The following USP53 variants were observed in gnomAD, a reference collection of about 807,000 sequenced individuals.
The protein encoded by USP53 is ubiquitin specific peptidase 53.
Under a neutral mutation model 94.9 loss-of-function variants are expected in USP53, and 71 were observed. The observed-to-expected ratio is 0.75, with a 90% CI of 0.62 to 0.91. USP53 has a LOEUF of 0.91. Among genes scored for constraint, USP53 ranks in the 40% least tolerant of loss-of-function variants. The probability of loss-of-function intolerance (pLI) is 0.00; values close to 1 mark genes in which losing one functional copy is unlikely to be tolerated. For missense variants in USP53, 1,173 were observed against 1,281.0 expected (o/e 0.92, Z 1.29); for synonymous variants, 375 against 422.7 (o/e 0.89, Z 1.39).
intron 12 of USP53, among the ~76,000 whole-genome samples, chr4:119,263,650 C>T (rs186390185): frequency 4.6e-4 from 70 of 152,202 alleles, no homozygotes; most frequent in Admixed American, 2.2e-3. Flanking sequence ...TGTATCCCCA[C>T]CATAAAGAGT....
intron 7 of USP53, among the ~76,000 whole-genome samples, chr4:119,251,810 C>T (rs780958538): frequency 2.0e-5 from 3 of 152,072 alleles, no homozygotes; most frequent in Non-Finnish European, 2.9e-5. Flanking sequence ...TGTCTTGTGC[C>T]GGTTTTCAAA....
intron 7 of USP53, 59 bp downstream of exon 7, chr4:119,248,941 T>C: frequency 1.3e-6 from 2 of 1,588,106 alleles, no homozygotes; most frequent in Non-Finnish European, 1.7e-6. Context: ...CCTTAGATGG[T>C]ACAAGTGTTG....
At chr4:119,235,987 C>T (rs759006629) in intron 4 of USP53, among the ~76,000 whole-genome samples, 1 of 152,150 alleles carries the variant, frequency 6.6e-6, no homozygotes, top group Non-Finnish European at 1.5e-5. Context: ...GTCTGCCTTT[C>T]GTCATTATAA....
chr4:119,213,670 G>GTGTGTGTGTGTGTGTGTGTA (rs1553962030), intron 1 of USP53, among the ~76,000 whole-genome samples: 15 of 120,550 alleles, frequency 1.2e-4, no homozygotes, highest in South Asian at 8.1e-4. Flanking sequence ...ATGTGTGTGT[G>GTGTGTGTGTGTGTGTGTGTA]TGTATGTATG....
intron 3 of USP53, among the ~76,000 whole-genome samples, chr4:119,222,878 A>C (rs199848605): frequency 3.1e-5 from 4 of 128,894 alleles, no homozygotes; most frequent in African/African-American, 1.2e-4. Flanking sequence ...AAAAAATAAT[A>C]AATATATTCC....
rs753584761 is a variant in USP53 at position 119,239,951 on chromosome 4, A to G, written c.144+48A>G. 17 of 1,345,520 alleles carry G rather than the reference A, an allele frequency of 1.3e-5. No individual in the cohort carries two copies. The East Asian group carries it at 4.7e-4, about 37-fold the overall frequency. The allele number at this position is 1,345,520 out of a possible 1,614,324, so 83.3% of individuals were successfully genotyped here. On this transcript the variant is annotated intron_variant, in intron 5 of 18. Coordinates refer to ENST00000692078, the MANE Select transcript of USP53 (RefSeq NM_001371395.1). ...CATTAAAAAAAATACTTTTCAGAAAATCCTTTGTTTAATGCTTCTTTAGCT... is the reference window on the plus strand; with the variant it reads ...CATTAAAAAAAATACTTTTCAGAAAGTCCTTTGTTTAATGCTTCTTTAGCT...
At chr4:119,224,624 A>T (rs150599198) in intron 3 of USP53, among the ~76,000 whole-genome samples, 2 of 152,326 alleles carry the variant, frequency 1.3e-5, no homozygotes, top group East Asian at 1.9e-4. Flanking sequence ...GCTAGAAGGG[A>T]AATAATTTCA....
intron 12 of USP53, among the ~76,000 whole-genome samples, chr4:119,265,032 A>C (rs1196562509): frequency 2.0e-5 from 3 of 152,250 alleles, no homozygotes; most frequent in Admixed American, 2.0e-4. Flanking sequence ...TATGCTAAGA[A>C]GTGAGATATA....
chr4:119,271,245 A>C lies in USP53; in HGVS notation c.1436-51A>C. 2.6e-6 allele frequency: 4 copies of C among 1,512,636 alleles called. 1 individual carries two copies. In the South Asian group the frequency reaches 4.2e-5, roughly 16 times the overall value. The allele number at this position is 1,512,636 out of a possible 1,614,324, so 93.7% of individuals were successfully genotyped here. ...TAACAGGTATTTGCCTTGTGACTAC[A>C]AGGTGGCTCTGAGGAGTAATTCATG... On this transcript the variant is annotated intron_variant, in intron 15 of 18. Transcript: ENST00000692078.
rs1426233291 is a variant in USP53, at chr4:119,261,864, G to A, written c.972G>A (p.Glu324=). 2.1e-6 allele frequency: 3 copies of A among 1,450,166 alleles called. No homozygotes were observed. Among genetic ancestry groups the A allele is most frequent in the African/African-American group, 1.4e-5 (1 of 71,108 alleles). 89.8% of individuals were successfully genotyped at this position (1,450,166 alleles called of 1,614,324 possible). Residue 324 remains glutamate, a splice_region_variant and synonymous_variant, in exon 12 of 19, where the codon GAG becomes GAA. Coordinates refer to ENST00000692078, the MANE Select transcript of USP53 (RefSeq NM_001371395.1). ...WVFFDDANVK[E]IGTRWKDVVS... is the part of the protein sequence containing the mutation. Reference sequence around the variant, plus strand: ...TTTTTGATGATGCAAATGTGAAAGAGGTAAGTGACACTTTCTTTAATTGAA... The same window carrying A: ...TTTTTGATGATGCAAATGTGAAAGAAGTAAGTGACACTTTCTTTAATTGAA...
At chr4:119,222,139 C>T (rs2149268937) in intron 3 of USP53, among the ~76,000 whole-genome samples, 1 of 152,000 alleles carries the variant, frequency 6.6e-6, no homozygotes, top group South Asian at 2.1e-4. Context: ...CTTCCTTATT[C>T]TTGCAATAGA....
At chr4:119,279,152 G>A (rs1232408072) in intron 17 of USP53, among the ~76,000 whole-genome samples, 14 of 148,292 alleles carry the variant, frequency 9.4e-5, no homozygotes, top group Middle Eastern at 3.5e-3. Flanking sequence ...GAGGAACTGC[G>A]TTCCTTTGAA....
intron 3 of USP53, among the ~76,000 whole-genome samples, chr4:119,234,307 C>T (rs1244978217): frequency 6.6e-6 from 1 of 152,172 alleles, no homozygotes; most frequent in Admixed American, 6.5e-5. Context: ...TTCCTTAACA[C>T]TCTAGAAGCC....
At chr4:119,230,816 A>T (rs1745961493) in intron 3 of USP53, among the ~76,000 whole-genome samples, 1 of 152,086 alleles carries the variant, frequency 6.6e-6, no homozygotes. Flanking sequence ...GGAGCAAGAG[A>T]CAGAGAGTGA....
rs114715918 is a variant in USP53 at position 119,288,230 on chromosome 4, C to T, written c.2252-2935C>T. Among the ~76,000 whole-genome samples, 1,123 of 152,254 alleles carry T rather than the reference C, an allele frequency of 7.4e-3. 12 individuals are homozygous for T. The highest frequency in any genetic ancestry group is 0.026 in the African/African-American group (1,060 of 41,548). On this transcript the variant is annotated intron_variant, in intron 17 of 18. Transcript: ENST00000692078. ...AAGAAATAAACCCAGTACATGCTAACACAAATAACATTTTTAAATGAAAAT... is the reference window on the plus strand; with the variant it reads ...AAGAAATAAACCCAGTACATGCTAATACAAATAACATTTTTAAATGAAAAT...
At chr4:119,228,755 C>T (rs931305509) in intron 3 of USP53, among the ~76,000 whole-genome samples, 4 of 152,128 alleles carry the variant, frequency 2.6e-5, no homozygotes, top group African/African-American at 9.7e-5. Context: ...ACAACTTACA[C>T]CTCCAAAGCT....
chr4:119,275,174 T>C (rs1425288745), intron 17 of USP53, among the ~76,000 whole-genome samples: 2 of 57,814 alleles, frequency 3.5e-5, no homozygotes, highest in Non-Finnish European at 7.3e-5. Flanking sequence ...TCCTTGCCCA[T>C]GCCTATGTCC....
chr4:119,264,905 A>G (rs1750923110), intron 12 of USP53, among the ~76,000 whole-genome samples: 1 of 152,230 alleles, frequency 6.6e-6, no homozygotes, highest in Non-Finnish European at 1.5e-5. Flanking sequence ...AATGTCAGCA[A>G]TTGGTGAATG....
intron 3 of USP53, among the ~76,000 whole-genome samples, chr4:119,227,410 G>C (rs1418819849): frequency 6.6e-6 from 1 of 152,034 alleles, no homozygotes; most frequent in Non-Finnish European, 1.5e-5. Flanking sequence ...AGGCCGAAGC[G>C]GGCAGATCAC....
Sources: allele counts gnomAD v4.1 joint callset (sites outside exome capture counted in the v4.1 genomes callset), GRCh38; gene constraint gnomAD v4.1.1; transcripts MANE v1.5; gene names NCBI Gene and HGNC (gene_info 2026-07-23, HGNC 2026-07-21).